Variants in OR5M9 observed in about 807,000 individuals in gnomAD.
The protein encoded by OR5M9 is olfactory receptor family 5 subfamily M member 9.
For missense variants in OR5M9, 464 were observed against 383.6 expected (o/e 1.21, Z -1.75); for synonymous variants, 174 against 145.0 (o/e 1.20, Z -1.44).
Position 56,462,973 on chromosome 11 carries a change from G to C in OR5M9, c.429C>G (p.Ile143Met). 1.2e-6 allele frequency: 2 copies of C among 1,614,048 alleles called. No individual in the cohort carries two copies. The highest frequency in any genetic ancestry group is 1.7e-6 in the Non-Finnish European group (2 of 1,179,946). Reference sequence around the variant, plus strand: ...AGAATCCATAGACATAAGGCACAGAGATGAGCCGAACACACACAGTCCTAG... The same window carrying C: ...AGAATCCATAGACATAAGGCACAGACATGAGCCGAACACACACAGTCCTAG... The part of the protein sequence containing the change: ...KMSRTVCVRL[I>M]SVPYVYGFSV... Residue 143 changes from isoleucine (I) to methionine (M), a missense_variant, in exon 1 of 1, where the codon ATC (isoleucine) becomes ATG (methionine). Coordinates refer to ENST00000279791, the MANE Select transcript of OR5M9 (RefSeq NM_001004743.1).
In OR5M9 at chr11:56,463,210, C is replaced by T. The variant is rs763395707; in HGVS notation, c.192G>A (p.Leu64=). 1.9e-6 allele frequency: 3 copies of T among 1,613,960 alleles called. No homozygotes were observed. In the South Asian group the frequency reaches 3.3e-5, roughly 18 times the overall value. The stretch of plus-strand genomic sequence containing the variant: ...AGGAGAAGCACACGTCCGCAAAAGA[C>T]AGATGACTCAGGAAAAAGTACATGG... ...QSPMYFFLSH[L]SFADVCFSSN... The change falls in exon 1 of 1, where the codon CTG becomes CTA. Residue 64 remains leucine, a synonymous_variant. Transcript: ENST00000279791.
chr11:56,462,772 C>A lies in OR5M9; in HGVS notation c.630G>T (p.Ser210=), dbSNP rs923577717. The A allele has an allele frequency of 6.2e-7, 1 of 1,612,870 alleles. No homozygotes were observed. The highest frequency in any genetic ancestry group is 8.5e-7 in the Non-Finnish European group (1 of 1,179,664). The part of the protein sequence containing the change: ...IAGINFTYSL[S]VVLISYTLIV... ...TGAGAGTGTAGGAGATGAGGACCAC[C>A]GAGAGGGAATATGTGAAGTTAATTC... is the stretch of plus-strand genomic sequence containing the variant. Residue 210 remains serine, a synonymous_variant, in exon 1 of 1, where the codon TCG becomes TCT. Coordinates refer to ENST00000279791, the MANE Select transcript of OR5M9 (RefSeq NM_001004743.1).
Position 56,463,350 on chromosome 11 carries a change from G to T in OR5M9, c.52C>A (p.Arg18Ser), listed in dbSNP as rs772474039. The change falls in exon 1 of 1, where the codon CGT becomes AGT. Residue 18 changes from arginine to serine, a missense_variant. Physicochemically the swap from Arg to Ser is moderately radical, Grantham distance 110. Transcript: ENST00000279791. ...AAAAAGAGAACCTGTAGCTCCTGAC[G>T]ACAGGTCAGCCCCAGGAGAGTAAAT... ...TEFTLLGLTC[R>S]QELQVLFFVV... is the part of the protein sequence containing the mutation. 1 of 1,613,436 alleles carries T rather than the reference G, an allele frequency of 6.2e-7. No homozygotes were observed. The highest frequency in any genetic ancestry group is 1.1e-5 in the South Asian group (1 of 91,024).
chr11:56,462,484 T>C lies in OR5M9; in HGVS notation c.918A>G (p.Thr306=). 2 of 1,607,948 alleles carry C rather than the reference T, an allele frequency of 1.2e-6. No individual in the cohort carries two copies. The highest frequency in any genetic ancestry group is 4.5e-5 in the East Asian group (2 of 44,822). ...KEAVNKAITK[T]YVRQ ...CACTACAGTTTTACTGCCTCACATA[T>C]GTCTTGGTGATTGCTTTGTTGACTG... is the stretch of plus-strand genomic sequence containing the variant. Residue 306 remains threonine, a synonymous_variant, in exon 1 of 1, where the codon ACA becomes ACG. Coordinates refer to ENST00000279791, the MANE Select transcript of OR5M9 (RefSeq NM_001004743.1).
In OR5M9 at chr11:56,463,233, T is replaced by C. The variant is rs1565146586; in HGVS notation, c.169A>G (p.Met57Val). 3.1e-6 allele frequency: 5 copies of C among 1,613,906 alleles called. No individual in the cohort carries two copies. The highest frequency in any genetic ancestry group is 3.4e-6 in the Non-Finnish European group (4 of 1,179,952). ...ISISPQLQSP[M>V]YFFLSHLSFA... Reference sequence around the variant, plus strand: ...GACAGATGACTCAGGAAAAAGTACATGGGACTCTGAAGCTGAGGACTGATG... The same window carrying C: ...GACAGATGACTCAGGAAAAAGTACACGGGACTCTGAAGCTGAGGACTGATG... The change falls in exon 1 of 1, where the codon ATG becomes GTG. Residue 57 changes from methionine to valine, a missense_variant. Coordinates refer to ENST00000279791, the MANE Select transcript of OR5M9 (RefSeq NM_001004743.1).
rs769272386 is a variant in OR5M9, at chr11:56,462,728, C to T, written c.674G>A (p.Arg225His). ...SYTLIVVAVL[R>H]MRSADGRRKA... Reference sequence around the variant, plus strand: ...CCTCCTGCCATCGGCAGAGCGCATGCGTAGCACAGCTACTACAATGAGAGT... The same window carrying T: ...CCTCCTGCCATCGGCAGAGCGCATGTGTAGCACAGCTACTACAATGAGAGT... Residue 225 changes from arginine (R) to histidine (H), a missense_variant, in exon 1 of 1, where the codon CGC becomes CAC. By Grantham distance (29) the Arg-to-His change is conservative. Transcript: ENST00000279791. 3 of 1,612,928 alleles carry T rather than the reference C, an allele frequency of 1.9e-6. No homozygotes were observed. The highest frequency in any genetic ancestry group is 2.2e-5 in the East Asian group (1 of 44,686).
At position 56,463,043 on chromosome 11, in the gene OR5M9, CT is replaced by C. The variant is rs1853576345; in HGVS notation, c.358del (p.Arg120GlyfsTer36). ...CAGAGGGTTGCAGCCGGCCATGTAC[CT>C]GTCAAAGGCCATCACAGCCAGGATA... ...VYILAVMAFD[R>X]YMAGCNPLLY... On this transcript the variant is annotated frameshift_variant, in exon 1 of 1. Transcript: ENST00000279791. LOFTEE classifies it low-confidence loss of function (END_TRUNC). 1 of 1,614,060 alleles carries C rather than the reference CT, an allele frequency of 6.2e-7. No individual in the cohort carries two copies.
At position 56,462,529 on chromosome 11, in the gene OR5M9, T is replaced by C; in HGVS notation, c.873A>G (p.Arg291=). Residue 291 remains arginine, a synonymous_variant, in exon 1 of 1, where the codon AGA becomes AGG. Transcript: ENST00000279791. ...TGACTGCTTCTTTTACATCCTTATT[T>C]CTCAGACTGTAGATCATGGGATTCA... ...PMLNPMIYSL[R]NKDVKEAVNK... The C allele has an allele frequency of 1.2e-6, 2 of 1,613,700 alleles. No individual in the cohort carries two copies. Among genetic ancestry groups the C allele is most frequent in the Non-Finnish European group, 1.7e-6 (2 of 1,179,634 alleles).
Position 56,463,157 on chromosome 11 carries a change from T to A in OR5M9, c.245A>T (p.Asn82Ile), listed in dbSNP as rs1362284274. The change falls in exon 1 of 1, where the codon AAC becomes ATC. Residue 82 changes from asparagine to isoleucine, a missense_variant. By Grantham distance (149) the Asn-to-Ile change is moderately radical. Transcript: ENST00000279791. ...AATGGTTTTTGTCTCTGATAATAAG[T>A]TTTCCAGCATTTTGGGGGTAACGTT... is the stretch of plus-strand genomic sequence containing the variant. ...SSNVTPKMLE[N>I]LLSETKTISY... 1 of 1,613,938 alleles carries A rather than the reference T, an allele frequency of 6.2e-7. No individual in the cohort carries two copies. Among genetic ancestry groups the A allele is most frequent in the Admixed American group, 1.7e-5 (1 of 59,978 alleles).
At position 56,462,772 on chromosome 11, in the gene OR5M9, C is replaced by T. The variant is rs923577717; in HGVS notation, c.630G>A (p.Ser210=). ...TGAGAGTGTAGGAGATGAGGACCAC[C>T]GAGAGGGAATATGTGAAGTTAATTC... ...IAGINFTYSL[S]VVLISYTLIV... Residue 210 remains serine (S), a synonymous_variant, in exon 1 of 1, where the codon TCG becomes TCA. Transcript: ENST00000279791. The T allele has an allele frequency of 1.2e-5, 20 of 1,612,754 alleles. No individual in the cohort carries two copies. Among genetic ancestry groups the T allele is most frequent in the Admixed American group, 5.0e-5 (3 of 59,890 alleles).
chr11:56,463,246 C>G lies in OR5M9; in HGVS notation c.156G>C (p.Gln52His). ...GMIILISISP[Q>H]LQSPMYFFLS... The stretch of plus-strand genomic sequence containing the variant: ...GGAAAAAGTACATGGGACTCTGAAG[C>G]TGAGGACTGATGCTAATCAAAATGA... The change falls in exon 1 of 1, where the codon CAG becomes CAC. Residue 52 changes from glutamine to histidine, a missense_variant. Gln to His is a conservative substitution (Grantham distance 24). Transcript: ENST00000279791. 6.2e-7 allele frequency: 1 copy of G among 1,613,910 alleles called. No homozygotes were observed. The highest frequency in any genetic ancestry group is 8.5e-7 in the Non-Finnish European group (1 of 1,179,944).
chr11:56,462,762 T>A lies in OR5M9; in HGVS notation c.640A>T (p.Ile214Phe), dbSNP rs200719535. Residue 214 changes from isoleucine (I) to phenylalanine (F), a missense_variant, in exon 1 of 1, where the codon ATC becomes TTC. By Grantham distance (21) the Ile-to-Phe change is conservative. Transcript: ENST00000279791. ...GCTACTACAATGAGAGTGTAGGAGATGAGGACCACCGAGAGGGAATATGTG... is the reference window on the plus strand; with the variant it reads ...GCTACTACAATGAGAGTGTAGGAGAAGAGGACCACCGAGAGGGAATATGTG... ...NFTYSLSVVL[I>F]SYTLIVVAVL... 1.4e-4 allele frequency: 216 copies of A among 1,576,608 alleles called. 1 individual carries two copies. The highest frequency in any genetic ancestry group is 5.0e-4 in the Middle Eastern group (3 of 6,010).
chr11:56,463,292 A>G lies in OR5M9; in HGVS notation c.110T>C (p.Leu37Pro), dbSNP rs1169006485. The part of the protein sequence containing the change: ...VVFLAVYMIT[L>P]LGNIGMIILI... ...AATGATCATACCAATATTTCCCAAC[A>G]GAGTGATCATGTAAACCGCTAGGAA... Residue 37 changes from leucine to proline, a missense_variant, in exon 1 of 1, where the codon CTG (leucine) becomes CCG (proline). Leu to Pro is a moderately conservative substitution (Grantham distance 98). Coordinates refer to ENST00000279791, the MANE Select transcript of OR5M9 (RefSeq NM_001004743.1). 2 of 1,613,652 alleles carry G rather than the reference A, an allele frequency of 1.2e-6. No individual in the cohort carries two copies. The highest frequency in any genetic ancestry group is 1.7e-5 in the Admixed American group (1 of 59,980).
rs770161180 is a variant in OR5M9, at chr11:56,463,275, T to C, written c.127A>G (p.Met43Val). 4 of 1,613,258 alleles carry C rather than the reference T, an allele frequency of 2.5e-6. No individual in the cohort carries two copies. The highest frequency in any genetic ancestry group is 1.3e-5 in the African/African-American group (1 of 74,878). The change falls in exon 1 of 1, where the codon ATG (methionine) becomes GTG (valine). Residue 43 changes from methionine (M) to valine (V), a missense_variant. Coordinates refer to ENST00000279791, the MANE Select transcript of OR5M9 (RefSeq NM_001004743.1). ...YMITLLGNIG[M>V]IILISISPQL... ...GGACTGATGCTAATCAAAATGATCA[T>C]ACCAATATTTCCCAACAGAGTGATC...
Position 56,463,201 on chromosome 11 carries a change from C to G in OR5M9, c.201G>C (p.Ala67=). Residue 67 remains alanine, a synonymous_variant, in exon 1 of 1, where the codon GCG becomes GCC. Coordinates refer to ENST00000279791, the MANE Select transcript of OR5M9 (RefSeq NM_001004743.1). ...MYFFLSHLSF[A]DVCFSSNVTP... ...TAACGTTGGAGGAGAAGCACACGTC[C>G]GCAAAAGACAGATGACTCAGGAAAA... 1 of 1,613,724 alleles carries G rather than the reference C, an allele frequency of 6.2e-7. No individual in the cohort carries two copies. Among genetic ancestry groups the G allele is most frequent in the South Asian group, 1.1e-5 (1 of 91,062 alleles).
At position 56,463,080 on chromosome 11, in the gene OR5M9, C is replaced by T. The variant is rs560494144; in HGVS notation, c.322G>A (p.Val108Met). 2.5e-6 allele frequency: 4 copies of T among 1,614,028 alleles called. No homozygotes were observed. The highest frequency in any genetic ancestry group is 1.3e-5 in the African/African-American group (1 of 75,032). The change falls in exon 1 of 1, where the codon GTG (valine) becomes ATG (methionine). Residue 108 changes from valine to methionine, a missense_variant. Coordinates refer to ENST00000279791, the MANE Select transcript of OR5M9 (RefSeq NM_001004743.1). ...QCYFFIAVVH[V>M]EVYILAVMAF... ...ATCACAGCCAGGATATAGACCTCCA[C>T]GTGGACAACGGCAATGAAAAAGTAG...
rs762884199 is a variant in OR5M9, at chr11:56,463,388, G to A, written c.14C>T (p.Thr5Met). 120 of 1,604,678 alleles carry A rather than the reference G, an allele frequency of 7.5e-5. No homozygotes were observed. In the Admixed American group the frequency reaches 2.0e-3, roughly 26 times the overall value. MPNFTDVTEFTLLGL... is the reference protein window; with the variant it reads MPNFMDVTEFTLLGL... ...CAGGAGAGTAAATTCTGTCACATCC[G>A]TGAAATTAGGCATTGCCTTAGTATA... The change falls in exon 1 of 1, where the codon ACG (threonine) becomes ATG (methionine). Residue 5 changes from threonine (T) to methionine (M), a missense_variant. Thr to Met is a moderately conservative substitution (Grantham distance 81). Coordinates refer to ENST00000279791, the MANE Select transcript of OR5M9 (RefSeq NM_001004743.1).
In OR5M9 at chr11:56,463,180, GT is replaced by G; in HGVS notation, c.221del (p.Asn74ThrfsTer42). ...AGTTTTCCAGCATTTTGGGGGTAAC[GT>G]TGGAGGAGAAGCACACGTCCGCAAA... ...LSFADVCFSS[N>X]VTPKMLENLL... On this transcript the variant is annotated frameshift_variant, in exon 1 of 1. Transcript: ENST00000279791. LOFTEE classifies it low-confidence loss of function (END_TRUNC). 6.2e-7 allele frequency: 1 copy of G among 1,613,922 alleles called. No homozygotes were observed. The highest frequency in any genetic ancestry group is 2.2e-5 in the East Asian group (1 of 44,852).
rs1227732889 is a variant in OR5M9, at chr11:56,463,373, A to G, written c.29T>C (p.Phe10Ser). The G allele has an allele frequency of 6.2e-6, 10 of 1,609,640 alleles. No individual in the cohort carries two copies. The highest frequency in any genetic ancestry group is 1.3e-5 in the African/African-American group (1 of 74,516). Residue 10 changes from phenylalanine to serine, a missense_variant, in exon 1 of 1, where the codon TTT becomes TCT. Coordinates refer to ENST00000279791, the MANE Select transcript of OR5M9 (RefSeq NM_001004743.1). ...ACGACAGGTCAGCCCCAGGAGAGTA[A>G]ATTCTGTCACATCCGTGAAATTAGG... MPNFTDVTEFTLLGLTCRQE... is the reference protein window; with the variant it reads MPNFTDVTESTLLGLTCRQE...
Sources: gnomAD v4.1 joint callset for allele counts on GRCh38, gnomAD v4.1.1 for gene constraint, MANE v1.5 for transcripts, NCBI Gene and HGNC (gene_info 2026-07-23, HGNC 2026-07-21) for gene names.